UNC13C: variants seen among roughly 807,000 people sequenced by gnomAD.
UNC13C encodes the protein unc-13 homolog C.
UNC13C carries 174 observed loss-of-function variants against 245.4 expected under a neutral mutation model. That is an observed-to-expected ratio of 0.71 (90% CI 0.63 to 0.80). The LOEUF (loss-of-function observed/expected upper bound fraction) is 0.80. Among genes scored for constraint, UNC13C ranks in the 30% least tolerant of loss-of-function variants. UNC13C has a pLI of 0.00. For missense variants in UNC13C, 2,829 were observed against 2,602.9 expected (o/e 1.09, Z -1.89); for synonymous variants, 992 against 895.1 (o/e 1.11, Z -1.93).
chr15:54,030,702 T>A (rs2141017525), intron 2 of UNC13C, among the ~76,000 whole-genome samples: 1 of 152,284 alleles, frequency 6.6e-6, no homozygotes, highest in South Asian at 2.1e-4. Flanking sequence ...GAAGTTTAAG[T>A]CCCGGTTCAG....
intron 25 of UNC13C, among the ~76,000 whole-genome samples, 185 bp downstream of exon 25, chr15:54,525,822 C>T (rs1164109568): frequency 1.3e-5 from 2 of 152,188 alleles, no homozygotes; most frequent in Non-Finnish European, 2.9e-5. Context: ...TTGCTATGCA[C>T]TCCCTAGAAC....
the UNC13C span, among the ~76,000 whole-genome samples, chr15:53,973,028 A>G: frequency 2.0e-5 from 3 of 152,084 alleles, no homozygotes; most frequent in African/African-American, 7.2e-5. Flanking sequence ...TGAAATTTGC[A>G]TTTGGAAATC....
At chr15:54,276,868 T>A (rs1256537862) in intron 10 of UNC13C, among the ~76,000 whole-genome samples, 1 of 152,112 alleles carries the variant, frequency 6.6e-6, no homozygotes, top group Non-Finnish European at 1.5e-5. Context: ...CACCTAAGTT[T>A]TGAGCTACTT....
chr15:54,618,672 G>A (rs541453767), intron 30 of UNC13C, among the ~76,000 whole-genome samples: 2 of 152,152 alleles, frequency 1.3e-5, no homozygotes, highest in South Asian at 2.1e-4. Flanking sequence ...CAAATCTTCC[G>A]AATGTGAGGT....
intron 4 of UNC13C, among the ~76,000 whole-genome samples, chr15:54,209,611 G>T (rs1352675090): frequency 6.6e-6 from 1 of 151,902 alleles, no homozygotes; most frequent in African/African-American, 2.4e-5. Flanking sequence ...ACAGGATTTT[G>T]CCATATTGCC....
chr15:54,080,328 G>A (rs574715268), intron 2 of UNC13C, among the ~76,000 whole-genome samples: 1 of 152,022 alleles, frequency 6.6e-6, no homozygotes, highest in African/African-American at 2.4e-5. Flanking sequence ...GATGATACTG[G>A]CTTCACAGAA....
chr15:53,851,915 T>C, the UNC13C span, among the ~76,000 whole-genome samples: 1 of 152,198 alleles, frequency 6.6e-6, no homozygotes, highest in Non-Finnish European at 1.5e-5. Context: ...CCCATGCATC[T>C]CTTCATCTGT....
chr15:54,172,969 A>G (rs2033474061), intron 4 of UNC13C, among the ~76,000 whole-genome samples: 1 of 151,616 alleles, frequency 6.6e-6, no homozygotes. Flanking sequence ...CAGCTGTTCC[A>G]GAATCATTGG....
At chr15:54,471,132 C>A (rs988464023) in intron 19 of UNC13C, among the ~76,000 whole-genome samples, 3 of 151,484 alleles carry the variant, frequency 2.0e-5, no homozygotes, top group African/African-American at 7.3e-5. Flanking sequence ...AATATTTGAT[C>A]TATCTTGGAA....
At chr15:54,475,360 G>A (rs1396776413) in intron 19 of UNC13C, among the ~76,000 whole-genome samples, 1 of 150,872 alleles carries the variant, frequency 6.6e-6, no homozygotes, top group Non-Finnish European at 1.5e-5. Context: ...ACAATGTGCA[G>A]GTTAGTTACA....
intron 13 of UNC13C, among the ~76,000 whole-genome samples, chr15:54,310,998 A>T (rs2037857403): frequency 6.6e-6 from 1 of 151,764 alleles, no homozygotes; most frequent in South Asian, 2.1e-4. Context: ...ATTTAGAGTC[A>T]TGAAAAGGCA....
chr15:54,499,955 G>C, intron 20 of UNC13C, 124 bp from the exon 21 acceptor site: 1 of 743,924 alleles, frequency 1.3e-6, no homozygotes, highest in Non-Finnish European at 2.1e-6. Flanking sequence ...AAGCAAAACT[G>C]CAAGAGAGAA....
At chr15:54,424,052 A>G (rs1310865927) in intron 19 of UNC13C, among the ~76,000 whole-genome samples, 2 of 151,898 alleles carry the variant, frequency 1.3e-5, no homozygotes, top group East Asian at 1.9e-4. Context: ...CTTGCTACCT[A>G]TAATAAAGAG....
chr15:54,087,070 T>G (rs1003115411), intron 2 of UNC13C, among the ~76,000 whole-genome samples: 13 of 152,140 alleles, frequency 8.5e-5, no homozygotes, highest in African/African-American at 2.9e-4. Context: ...TGTCAGTTAC[T>G]GGAAGCACTA....
chr15:53,862,169 C>G, the UNC13C span, among the ~76,000 whole-genome samples: 2 of 152,126 alleles, frequency 1.3e-5, no homozygotes, highest in Non-Finnish European at 2.9e-5. Flanking sequence ...CAGCCACCTT[C>G]TTGCTATGTG....
intron 10 of UNC13C, among the ~76,000 whole-genome samples, chr15:54,274,140 C>G (rs2036767454): frequency 6.6e-6 from 1 of 151,996 alleles, no homozygotes; most frequent in Non-Finnish European, 1.5e-5. Context: ...GGAGCCAGTC[C>G]TAGGGAGGTA....
chr15:54,024,721 A>C (rs1485378098), intron 2 of UNC13C, among the ~76,000 whole-genome samples: 2 of 152,152 alleles, frequency 1.3e-5, no homozygotes, highest in South Asian at 2.1e-4. Flanking sequence ...TATCGAGACC[A>C]TCCTGGCTAC....
At position 54,502,842 on chromosome 15, in the gene UNC13C, C is replaced by T. The variant is rs546169; in HGVS notation, c.5301+1864C>T. 2.6e-5 allele frequency among the ~76,000 whole-genome samples: 4 copies of T among 151,970 alleles called. No individual in the cohort carries two copies. In the South Asian group the frequency reaches 6.2e-4, roughly 24 times the overall value. On this transcript the variant is annotated intron_variant, in intron 22 of 32. Coordinates refer to ENST00000260323, the MANE Select transcript of UNC13C (RefSeq NM_001080534.3). ...AGGCAGGTAGGTTATGTAAGTTGGGCGACATGAGTGCACGGTAACAGAGTA... is the reference window on the plus strand; with the variant it reads ...AGGCAGGTAGGTTATGTAAGTTGGGTGACATGAGTGCACGGTAACAGAGTA...
intron 29 of UNC13C, among the ~76,000 whole-genome samples, chr15:54,564,980 G>C (rs1897448998): frequency 6.6e-6 from 1 of 151,830 alleles, no homozygotes; most frequent in Non-Finnish European, 1.5e-5. Context: ...AGACTCCCAG[G>C]GTTTGTCTTG....
Sources: gnomAD v4.1 joint callset for allele counts (sites outside exome capture counted in the v4.1 genomes callset) on GRCh38, gnomAD v4.1.1 for gene constraint, MANE v1.5 for transcripts, NCBI Gene and HGNC (gene_info 2026-07-23, HGNC 2026-07-21) for gene names.